The following FSTL4 variants were observed in gnomAD, a reference collection of about 807,000 sequenced individuals.
FSTL4 encodes the protein follistatin-related protein 4.
Under a neutral mutation model 78.2 loss-of-function variants are expected in FSTL4, and 28 were observed. The ratio of observed to expected loss-of-function variants is 0.36; its 90% confidence interval spans 0.27 to 0.49. The LOEUF (loss-of-function observed/expected upper bound fraction) is 0.49, where lower values mean the gene tolerates loss of function less well. FSTL4 is among the 20% of genes least tolerant of loss of function. FSTL4 has a pLI of 0.98. For missense variants in FSTL4, 922 were observed against 1,084.9 expected, an observed-to-expected ratio of 0.85 and a Z score of 2.11; for synonymous variants, 422 against 440.5, an observed-to-expected ratio of 0.96 and a Z score of 0.53.
intron 4 of FSTL4, among the ~76,000 whole-genome samples, chr5:133,342,335 G>A (rs1241762418): frequency 6.6e-6 from 1 of 152,160 alleles, no homozygotes; most frequent in African/African-American, 2.4e-5. Flanking sequence ...TTGCAGAGAA[G>A]GGGCAGGGGA....
intron 11 of FSTL4, 175 bp from the exon 12 acceptor site, chr5:133,221,041 TGC>T: frequency 1.4e-6 from 1 of 698,194 alleles, no homozygotes; most frequent in Non-Finnish European, 2.6e-6. Flanking sequence ...GCTGGATGGG[TGC>T]AGAGAGGGCC....
rs139263510 is a variant in FSTL4 at position 133,225,275 on chromosome 5, C to T, written c.1187G>A (p.Ser396Asn). 260 of 1,614,080 alleles carry T rather than the reference C, an allele frequency of 1.6e-4. No individual in the cohort carries two copies. The highest frequency in any genetic ancestry group is 2.0e-4 in the Non-Finnish European group (239 of 1,180,040). The change falls in exon 10 of 16, where the codon AGC (serine) becomes AAC (asparagine). Residue 396 changes from serine to asparagine, a missense_variant. By Grantham distance (46) the Ser-to-Asn change is conservative (BLOSUM62 1). Coordinates refer to ENST00000265342, the MANE Select transcript of FSTL4 (RefSeq NM_015082.2). This position sits in a 1 kb window ranked among gnomAD's most constrained non-coding sequence, Gnocchi z 4.6. ...SKQLSLLANG[S>N]ELHISSVRYE... is the part of the protein sequence containing the mutation. ...CCGAACACTGCTGATGTGGAGTTCG[C>T]TCCCATTGGCTGCAGACAGGACAGT... is the stretch of plus-strand genomic sequence containing the variant.
At position 133,225,069 on chromosome 5, in the gene FSTL4, C is replaced by T; in HGVS notation, c.1312+81G>A. On this transcript the variant is annotated intron_variant, in intron 10 of 15. Coordinates refer to ENST00000265342, the MANE Select transcript of FSTL4 (RefSeq NM_015082.2). The surrounding 1 kb of genome is among the most constrained non-coding windows in gnomAD (Gnocchi z 4.6). Reference sequence around the variant, plus strand: ...ACGGGCTCATGGTTGGCAGCTGTGGCCCTGGTCAATTGGTGCCCTCCCTTG... The same window carrying T: ...ACGGGCTCATGGTTGGCAGCTGTGGTCCTGGTCAATTGGTGCCCTCCCTTG... 5 of 1,511,626 alleles carry T rather than the reference C, an allele frequency of 3.3e-6. No homozygotes were observed. In the South Asian group the frequency reaches 3.4e-5, roughly 10 times the overall value. 93.6% of individuals were successfully genotyped at this position (1,511,626 alleles called of 1,614,324 possible).
chr5:133,644,176 A>T, the FSTL4 span, among the ~76,000 whole-genome samples: 1 of 152,184 alleles, frequency 6.6e-6, no homozygotes, highest in Non-Finnish European at 1.5e-5. Context: ...GGAGATGCGT[A>T]ATCTGTGCTT....
chr5:133,525,028 C>G (rs1238483341), intron 3 of FSTL4, among the ~76,000 whole-genome samples: 1 of 152,178 alleles, frequency 6.6e-6, no homozygotes, highest in African/African-American at 2.4e-5. Context: ...TGAAACTTTA[C>G]CTTTTTAACC....
chr5:133,468,264 G>T (rs766000477), intron 3 of FSTL4, among the ~76,000 whole-genome samples: 3 of 152,248 alleles, frequency 2.0e-5, no homozygotes, highest in Non-Finnish European at 2.9e-5. Flanking sequence ...TTAGTGCCCT[G>T]TGGGTGTCCC....
At chr5:133,395,210 C>T (rs185382899) in intron 4 of FSTL4, among the ~76,000 whole-genome samples, 16 of 152,274 alleles carry the variant, frequency 1.1e-4, no homozygotes, top group African/African-American at 2.9e-4. Flanking sequence ...TTTGTTCTTT[C>T]GCTCTTTGCA....
rs1249814168 is a variant in FSTL4 at position 133,197,269 on chromosome 5, T to C, written c.*1826A>G. ...TGGGAGATTGGGAGTAAACATAACATATCAAGATATTGAGGCAGGAAAAAA... is the reference window on the plus strand; with the variant it reads ...TGGGAGATTGGGAGTAAACATAACACATCAAGATATTGAGGCAGGAAAAAA... On this transcript the variant is annotated 3_prime_UTR_variant, in exon 16 of 16. Coordinates refer to ENST00000265342, the MANE Select transcript of FSTL4 (RefSeq NM_015082.2). The C allele has an allele frequency of 7.3e-6, 1 of 137,116 alleles. No homozygotes were observed. The highest frequency in any genetic ancestry group is 1.6e-5 in the Non-Finnish European group (1 of 63,272). The allele number at this position is 137,116 out of a possible 1,614,324, so 8.5% of individuals were successfully genotyped here.
At chr5:133,233,388 G>A (rs1284929720) in intron 8 of FSTL4, 29 bp downstream of exon 8, 1 of 1,613,120 alleles carries the variant, frequency 6.2e-7, no homozygotes, top group East Asian at 2.2e-5. Context: ...GGCTATGAGG[G>A]GACAACATGC....
At chr5:133,625,293 C>A in the FSTL4 span, among the ~76,000 whole-genome samples, 1 of 151,598 alleles carries the variant, frequency 6.6e-6, no homozygotes, top group African/African-American at 2.4e-5. Context: ...TTCAATTTTC[C>A]TAATAGTTAT....
chr5:133,838,267 C>T, the FSTL4 span, among the ~76,000 whole-genome samples: 3 of 152,346 alleles, frequency 2.0e-5, no homozygotes, highest in East Asian at 1.9e-4. Context: ...GACTTCAACT[C>T]ATTTTTTATT....
chr5:133,284,452 G>A (rs1295541224), intron 6 of FSTL4, among the ~76,000 whole-genome samples: 1 of 152,232 alleles, frequency 6.6e-6, no homozygotes, highest in Non-Finnish European at 1.5e-5. Flanking sequence ...GGAGGGGAAG[G>A]AGTGGGCAGA....
chr5:133,308,404 G>A (rs1054033620), intron 6 of FSTL4, among the ~76,000 whole-genome samples: 2 of 152,184 alleles, frequency 1.3e-5, no homozygotes, highest in African/African-American at 4.8e-5. Flanking sequence ...ATGAAATGGA[G>A]TAGAACAAAG....
intron 8 of FSTL4, among the ~76,000 whole-genome samples, chr5:133,229,449 GA>G (rs1474311170): frequency 6.6e-6 from 1 of 152,102 alleles, no homozygotes; most frequent in African/African-American, 2.4e-5. Flanking sequence ...CTTGAGCCTG[GA>G]AAGTTGAGGC....
At chr5:133,506,222 G>A (rs963597800) in intron 3 of FSTL4, among the ~76,000 whole-genome samples, 6 of 152,168 alleles carry the variant, frequency 3.9e-5, no homozygotes, top group Non-Finnish European at 8.8e-5. Context: ...CTCTTACCTC[G>A]TTAGGAAGTT....
chr5:133,231,013 G>A (rs1421446304), intron 8 of FSTL4, among the ~76,000 whole-genome samples: 1 of 151,786 alleles, frequency 6.6e-6, no homozygotes, highest in Non-Finnish European at 1.5e-5. Flanking sequence ...CGTCCTCCTG[G>A]GCCCACGTTG....
the FSTL4 span, among the ~76,000 whole-genome samples, chr5:133,633,497 G>C: frequency 6.6e-6 from 1 of 151,664 alleles, no homozygotes; most frequent in African/African-American, 2.4e-5. Flanking sequence ...TCTTTGTTGA[G>C]ACTTTCTCTT....
At chr5:133,759,854 A>AT in the FSTL4 span, among the ~76,000 whole-genome samples, 1 of 152,330 alleles carries the variant, frequency 6.6e-6, no homozygotes, top group African/African-American at 2.4e-5. Context: ...ATGAGAGGTG[A>AT]TTTTTTTATT....
In FSTL4 at chr5:133,225,156, T is replaced by C. The variant is rs747740714; in HGVS notation, c.1306A>G (p.Lys436Glu). 6.2e-7 allele frequency: 1 copy of C among 1,614,222 alleles called. No homozygotes were observed. Among genetic ancestry groups the C allele is most frequent in the South Asian group, 1.1e-5 (1 of 91,084 alleles). The change falls in exon 10 of 16, where the codon AAG (lysine) becomes GAG (glutamate). Residue 436 changes from lysine to glutamate, a missense_variant. Physicochemically the swap from Lys to Glu is moderately conservative, Grantham distance 56. Coordinates refer to ENST00000265342, the MANE Select transcript of FSTL4 (RefSeq NM_015082.2). This position sits in a 1 kb window ranked among gnomAD's most constrained non-coding sequence, Gnocchi z 4.6. ...SSLFIEDSAR[K>E]TLANILWREE... ...TAAACGCGTGTCGACTTACGGGTCT[T>C]TCTAGCTGAGTCTTCAATGAAGAGC...
Sources: gnomAD v4.1 joint callset for allele counts (sites outside exome capture counted in the v4.1 genomes callset) on GRCh38, gnomAD v4.1.1 for gene constraint, Gnocchi (gnomAD v3.1) non-coding constraint, MANE v1.5 for transcripts, NCBI Gene and HGNC (gene_info 2026-07-23, HGNC 2026-07-21) for gene names.